The following FBN3 variants were observed in gnomAD, a reference collection of about 807,000 sequenced individuals.
The protein encoded by FBN3 is fibrillin 3.
Under a neutral mutation model 330.1 loss-of-function variants are expected in FBN3, and 234 were observed. The ratio of observed to expected loss-of-function variants is 0.71; its 90% CI spans 0.64 to 0.79. The LOEUF is 0.79. Ranked by LOEUF, FBN3 falls within the 30% of genes least tolerant of loss-of-function variation. The pLI is 0.00. For missense variants in FBN3, 3,606 were observed against 3,886.9 expected (o/e 0.93, Z 1.92); for synonymous variants, 1,458 against 1,517.3 (o/e 0.96, Z 0.91).
intron 47 of FBN3, among the ~76,000 whole-genome samples, chr19:8,093,106 A>G (rs2082133104): frequency 1.3e-5 from 2 of 152,146 alleles, no homozygotes; most frequent in Non-Finnish European, 2.9e-5. Flanking sequence ...TAAAAAAAGA[A>G]AATTGCACAA....
intron 8 of FBN3, among the ~76,000 whole-genome samples, chr19:8,139,295 C>T (rs1012263638): frequency 1.3e-5 from 2 of 151,194 alleles, no homozygotes; most frequent in South Asian, 4.2e-4. Context: ...TGTAGTGAGC[C>T]AAGATTGTGC....
In FBN3 at chr19:8,087,923, G is replaced by T; in HGVS notation, c.6521C>A (p.Pro2174Gln). 6.2e-7 allele frequency: 1 copy of T among 1,614,176 alleles called. No individual in the cohort carries two copies. Among genetic ancestry groups the T allele is most frequent in the Non-Finnish European group, 8.5e-7 (1 of 1,180,028 alleles). Residue 2174 changes from proline (P) to glutamine (Q), a missense_variant, in exon 53 of 64, where the codon CCG becomes CAG. Pro to Gln is a moderately conservative substitution (Grantham distance 76). Coordinates refer to ENST00000600128, the MANE Select transcript of FBN3 (RefSeq NM_032447.5). ...CEDIDECSLN[P>Q]LLCAFRCHNT... is the part of the protein sequence containing the mutation. ...GTGGCAGCGGAAGGCACAGAGCAGC[G>T]GGTTCAGGGAGCATTCGTCGATGTC... is the stretch of plus-strand genomic sequence containing the variant.
chr19:8,116,936 A>G (rs931046076), intron 28 of FBN3, 137 bp from the exon 29 acceptor site: 2 of 1,219,888 alleles, frequency 1.6e-6, no homozygotes, highest in African/African-American at 3.0e-5. Flanking sequence ...GGGGGCGCTC[A>G]AGCAGTTCTG....
chr19:8,068,127 C>T (rs553771018), intron 63 of FBN3, among the ~76,000 whole-genome samples: 31 of 152,146 alleles, frequency 2.0e-4, no homozygotes, highest in Admixed American at 6.5e-4. Context: ...TGGCTCACAC[C>T]TGTAATCCCA....
chr19:8,101,909 C>G (rs376077572), intron 40 of FBN3, among the ~76,000 whole-genome samples: 2 of 152,236 alleles, frequency 1.3e-5, no homozygotes, highest in African/African-American at 4.8e-5. Flanking sequence ...GGGACTGACA[C>G]AGTTTGGCTG....
chr19:8,099,349 C>T (rs191254600), intron 41 of FBN3, among the ~76,000 whole-genome samples: 5 of 141,094 alleles, frequency 3.5e-5, no homozygotes, highest in South Asian at 2.3e-4. Flanking sequence ...GGCACGATCT[C>T]GGCTCACTGC....
chr19:8,101,445 C>T (rs2082325823), intron 40 of FBN3, among the ~76,000 whole-genome samples: 1 of 152,194 alleles, frequency 6.6e-6, no homozygotes, highest in Non-Finnish European at 1.5e-5. Context: ...AGGACTCATT[C>T]CTGCTGTCAA....
intron 59 of FBN3, among the ~76,000 whole-genome samples, chr19:8,076,908 C>T (rs1016140692): frequency 5.9e-5 from 9 of 152,066 alleles, no homozygotes; most frequent in Admixed American, 3.3e-4. Flanking sequence ...ACTACAGGTG[C>T]ACAAGACCAT....
At position 8,073,123 on chromosome 19, in the gene FBN3, G is replaced by A; in HGVS notation, c.7877C>T (p.Ala2626Val). The change falls in exon 62 of 64, where the codon GCC (alanine) becomes GTC (valine). Residue 2626 changes from alanine (A) to valine (V), a missense_variant. By Grantham distance (64) the Ala-to-Val change is moderately conservative (BLOSUM62 0). Coordinates refer to ENST00000600128, the MANE Select transcript of FBN3 (RefSeq NM_032447.5). ...GCACAGGAAGCCACCAGGCGTGTTG[G>A]CACAGCTGTAGCTACAGGGGCCACG... ...GRRGPCSYSC[A>V]NTPGGFLCGC... 1 of 1,613,750 alleles carries A rather than the reference G, an allele frequency of 6.2e-7. No homozygotes were observed. The highest frequency in any genetic ancestry group is 8.5e-7 in the Non-Finnish European group (1 of 1,179,896).
chr19:8,116,885 C>T, intron 28 of FBN3, 86 bp from the exon 29 acceptor site: 1 of 1,512,592 alleles, frequency 6.6e-7, no homozygotes, highest in Non-Finnish European at 9.0e-7. Flanking sequence ...CCAGGACGAC[C>T]TGTAGCCAGG....
intron 37 of FBN3, among the ~76,000 whole-genome samples, chr19:8,107,228 AGGAT>A (rs1426743774): frequency 7.3e-6 from 1 of 137,694 alleles, no homozygotes; most frequent in East Asian, 2.3e-4. Flanking sequence ...GTTGGGTGGA[AGGAT>A]GGATGGATGG....
At chr19:8,130,607 A>AGGAAGGAAGGAAGGAAGGAAGGAAG (rs1275620168) in intron 16 of FBN3, among the ~76,000 whole-genome samples, 1 of 15,142 alleles carries the variant, frequency 6.6e-5, no homozygotes, top group Admixed American at 4.5e-4. Flanking sequence ...AAAGAAAGAA[A>AGGAAGGAAGGAAGGAAGGAAGGAAG]GAAAGAAAGA....
chr19:8,123,779 C>G lies in FBN3; in HGVS notation c.2956+5G>C, dbSNP rs116450972. 5 of 1,612,828 alleles carry G rather than the reference C, an allele frequency of 3.1e-6. No individual in the cohort carries two copies. Among genetic ancestry groups the G allele is most frequent in the Non-Finnish European group, 4.2e-6 (5 of 1,179,776 alleles). On this transcript the variant is annotated splice_donor_5th_base_variant and intron_variant, in intron 23 of 63. Coordinates refer to ENST00000600128, the MANE Select transcript of FBN3 (RefSeq NM_032447.5). ...CCAGGGGCCTGACCCCTTCCCCAACCGCACCTTTATAGAATGGTCGGCCAG... is the reference window on the plus strand; with the variant it reads ...CCAGGGGCCTGACCCCTTCCCCAACGGCACCTTTATAGAATGGTCGGCCAG...
rs60155490 is a variant in FBN3, at chr19:8,072,966, C to CGTGTGTGTGTGT, written c.7937+85_7937+96dup. ...TAAATTCTTGGCATGCACAAAGCCCCGTGTGTGTGTGTGTGTGTGTGTGTG... is the reference window on the plus strand; with the variant it reads ...TAAATTCTTGGCATGCACAAAGCCCCGTGTGTGTGTGTGTGTGTGTGTGTGTGTGTGTGTGTG... On this transcript the variant is annotated intron_variant, in intron 62 of 63. Coordinates refer to ENST00000600128, the MANE Select transcript of FBN3 (RefSeq NM_032447.5). The CGTGTGTGTGTGT allele has an allele frequency of 3.8e-3, 2,441 of 644,388 alleles. 10 individuals carry two copies. Among genetic ancestry groups the CGTGTGTGTGTGT allele is most frequent in the African/African-American group, 0.014 (709 of 50,946 alleles). 39.9% of individuals were successfully genotyped at this position (644,388 alleles called of 1,614,324 possible).
rs2082056351 is a variant in FBN3, at chr19:8,089,941, C to G, written c.6203G>C (p.Cys2068Ser). ...TGGGACTGCCCCGTGGCCAAAGGGG[C>G]AGAGCTCCTGAAAGGCAGCTGGACG... Reference protein sequence around the residue: ...QEGSAAFQELCPFGHGAVPGP... With the variant: ...QEGSAAFQELSPFGHGAVPGP... Residue 2068 changes from cysteine (C) to serine (S), a missense_variant, in exon 50 of 64, where the codon TGC (cysteine) becomes TCC (serine). Transcript: ENST00000600128. 6.2e-7 allele frequency: 1 copy of G among 1,609,982 alleles called. No individual in the cohort carries two copies. Among genetic ancestry groups the G allele is most frequent in the African/African-American group, 1.3e-5 (1 of 74,892 alleles).
At chr19:8,141,437 G>A (rs944519273) in intron 8 of FBN3, among the ~76,000 whole-genome samples, 7 of 150,616 alleles carry the variant, frequency 4.6e-5, no homozygotes, top group African/African-American at 7.3e-5. Context: ...ACTCTCTCCC[G>A]CTCCAGCCCC....
Position 8,087,922 on chromosome 19 carries a change from C to T in FBN3, c.6522G>A (p.Pro2174=), listed in dbSNP as rs376726083. The T allele has an allele frequency of 9.9e-6, 16 of 1,613,984 alleles. No homozygotes were observed. In the East Asian group the frequency reaches 1.1e-4, roughly 11 times the overall value. The change falls in exon 53 of 64, where the codon CCG becomes CCA. Residue 2174 remains proline (P), a synonymous_variant. Transcript: ENST00000600128. ...CEDIDECSLN[P]LLCAFRCHNT... ...TGTGGCAGCGGAAGGCACAGAGCAGCGGGTTCAGGGAGCATTCGTCGATGT... is the reference window on the plus strand; with the variant it reads ...TGTGGCAGCGGAAGGCACAGAGCAGTGGGTTCAGGGAGCATTCGTCGATGT...
In FBN3 at chr19:8,103,679, C is replaced by T. The variant is rs747253641; in HGVS notation, c.4822G>A (p.Glu1608Lys). ...EHTRICEDID[E>K]CSTHSGICGP... is the part of the protein sequence containing the mutation. ...CAGATGCCGGAGTGTGTGGAGCATT[C>T]GTCAATATCTGCAGGGAAAGAAGGG... The change falls in exon 39 of 64, where the codon GAA becomes AAA. Residue 1608 changes from glutamate to lysine, a missense_variant. Transcript: ENST00000600128. 2.8e-5 allele frequency: 45 copies of T among 1,612,688 alleles called. No individual in the cohort carries two copies. The East Asian group carries it at 3.1e-4, about 11-fold the overall frequency.
At chr19:8,147,641 G>A (rs1268308991) in intron 1 of FBN3, 144 bp from the exon 2 acceptor site, 12 of 566,860 alleles carry the variant, frequency 2.1e-5, no homozygotes, top group African/African-American at 5.7e-5. Context: ...AGCCCCAACC[G>A]GGAAGCGGTG....
Sources: gnomAD v4.1 joint callset for allele counts (sites outside exome capture counted in the v4.1 genomes callset) on GRCh38, gnomAD v4.1.1 for gene constraint, MANE v1.5 for transcripts, NCBI Gene and HGNC (gene_info 2026-07-23, HGNC 2026-07-21) for gene names.